FHIT: variants seen among roughly 807,000 people sequenced by gnomAD.
FHIT encodes bis(5'-adenosyl)-triphosphatase.
A neutral mutation model predicts 17.9 loss-of-function variants in FHIT; 19 were observed. The observed-to-expected ratio is 1.06, with a 90% CI of 0.74 to 1.56. The LOEUF is 1.56. Ranked by LOEUF, FHIT falls within the 40% of genes most tolerant of loss-of-function variation. The pLI is 0.00. For synonymous variants in FHIT, 81 were observed against 69.7 expected (o/e 1.16, Z -0.81); for missense variants, 248 against 189.2 (o/e 1.31, Z -1.82).
At chr3:60,420,278 A>T (rs1702420031) in intron 5 of FHIT, among the ~76,000 whole-genome samples, 1 of 152,142 alleles carries the variant, frequency 6.6e-6, no homozygotes, top group South Asian at 2.1e-4. Flanking sequence ...ATACATTCTA[A>T]TTCTTAATGA....
chr3:61,073,947 C>A (rs1344902583), intron 2 of FHIT, among the ~76,000 whole-genome samples: 1 of 152,118 alleles, frequency 6.6e-6, no homozygotes, highest in Non-Finnish European at 1.5e-5. Context: ...CAGACTAAAA[C>A]AAAGCAGCGG....
chr3:60,173,915 A>ATTTTTTTTT lies in FHIT; in HGVS notation c.104-159764_104-159763insAAAAAAAAA. On this transcript the variant is annotated intron_variant, in intron 5 of 9. Coordinates refer to ENST00000492590, the MANE Select transcript of FHIT (RefSeq NM_002012.4). The stretch of plus-strand genomic sequence containing the variant: ...TATATATATATATATATATATATAT[A>ATTTTTTTTT]TGTTTTTTTTTTTTTTTGAGATCGA... Among the ~76,000 whole-genome samples, 21 of 66,426 alleles carry ATTTTTTTTT rather than the reference A, an allele frequency of 3.2e-4. 1 individual carries two copies. Among genetic ancestry groups the ATTTTTTTTT allele is most frequent in the Non-Finnish European group, 5.3e-4 (19 of 36,110 alleles). The allele number at this position is 66,426 out of a possible 152,430, so 43.6% of individuals were successfully genotyped here.
rs116163317 is a variant in FHIT at position 60,168,061 on chromosome 3, T to C, written c.104-153909A>G. Among the ~76,000 whole-genome samples, 686 of 152,290 alleles carry C rather than the reference T, an allele frequency of 4.5e-3. 3 individuals carry two copies. Among genetic ancestry groups the C allele is most frequent in the African/African-American group, 0.015 (634 of 41,556 alleles). ...AATAATAAACAAATTTGTTATCAAC[T>C]TGTCCTGAGTTGATCAAGTTGCTAT... On this transcript the variant is annotated intron_variant, in intron 5 of 9. Coordinates refer to ENST00000492590, the MANE Select transcript of FHIT (RefSeq NM_002012.4).
chr3:60,911,423 A>C (rs2107271620), intron 3 of FHIT, among the ~76,000 whole-genome samples: 1 of 151,256 alleles, frequency 6.6e-6, no homozygotes. Context: ...TACCACCACC[A>C]TCATTTTCAT....
Position 60,671,129 on chromosome 3 carries a change from T to C in FHIT, c.-17-134150A>G, listed in dbSNP as rs144522258. 4.2e-3 allele frequency among the ~76,000 whole-genome samples: 638 copies of C among 152,290 alleles called. 2 individuals carry two copies. Among genetic ancestry groups the C allele is most frequent in the East Asian group, 0.013 (67 of 5,180 alleles). ...TCACTCAGTGTCTTCAAGGAACACA[T>C]GGTCAGGTTTCTAGATTATGCTTAA... On this transcript the variant is annotated intron_variant, in intron 4 of 9. Coordinates refer to ENST00000492590, the MANE Select transcript of FHIT (RefSeq NM_002012.4).
At chr3:60,025,830 G>A (rs1311278206) in intron 5 of FHIT, among the ~76,000 whole-genome samples, 1 of 151,324 alleles carries the variant, frequency 6.6e-6, no homozygotes, top group Non-Finnish European at 1.5e-5. Context: ...ATGTCACTGT[G>A]GCAGCTTCCA....
intron 4 of FHIT, among the ~76,000 whole-genome samples, chr3:60,718,849 A>C (rs184068205): frequency 8.5e-5 from 13 of 152,316 alleles, no homozygotes; most frequent in African/African-American, 2.6e-4. Context: ...ACTAATGTGC[A>C]TTACACCTCT....
At chr3:60,007,622 G>C (rs1699975350) in intron 7 of FHIT, among the ~76,000 whole-genome samples, 1 of 152,190 alleles carries the variant, frequency 6.6e-6, no homozygotes, top group Admixed American at 6.5e-5. Flanking sequence ...CGAGAGGAAA[G>C]CCTAACGAAT....
intron 5 of FHIT, among the ~76,000 whole-genome samples, chr3:60,226,791 G>A (rs1428051119): frequency 1.3e-5 from 2 of 152,104 alleles, no homozygotes; most frequent in East Asian, 1.9e-4. Context: ...GAGAAGTGCT[G>A]GTTTTGGAGC....
At chr3:60,994,871 T>C (rs573971761) in intron 3 of FHIT, among the ~76,000 whole-genome samples, 6 of 152,322 alleles carry the variant, frequency 3.9e-5, no homozygotes, top group Admixed American at 3.9e-4. Context: ...CTCCAGCCAG[T>C]CGTTCCCATG....
At chr3:60,020,760 G>A (rs1234263564) in intron 5 of FHIT, among the ~76,000 whole-genome samples, 3 of 152,240 alleles carry the variant, frequency 2.0e-5, no homozygotes, top group East Asian at 3.9e-4. Flanking sequence ...TAGCAGGATG[G>A]ACTGTCAGCT....
chr3:61,060,134 C>T (rs1431414635), intron 2 of FHIT, among the ~76,000 whole-genome samples: 2 of 152,056 alleles, frequency 1.3e-5, no homozygotes, highest in Admixed American at 6.6e-5. Flanking sequence ...AATTATCTTA[C>T]CTGTTTTTAT....
chr3:60,701,671 A>G (rs1553702175), intron 4 of FHIT, among the ~76,000 whole-genome samples: 2 of 152,120 alleles, frequency 1.3e-5, no homozygotes, highest in Non-Finnish European at 1.5e-5. Flanking sequence ...TAGGTTTTCC[A>G]ATAGTGATGT....
intron 3 of FHIT, among the ~76,000 whole-genome samples, chr3:61,039,579 C>T (rs1279929706): frequency 6.6e-6 from 1 of 152,148 alleles, no homozygotes; most frequent in African/African-American, 2.4e-5. Flanking sequence ...TGGAAACCAT[C>T]ATTCTCAGCA....
At chr3:59,899,256 C>A (rs533936525) in intron 8 of FHIT, among the ~76,000 whole-genome samples, 1 of 152,220 alleles carries the variant, frequency 6.6e-6, no homozygotes, top group Admixed American at 6.5e-5. Context: ...AAACACTGAA[C>A]TTCTCAGACA....
intron 4 of FHIT, among the ~76,000 whole-genome samples, chr3:60,624,593 C>T (rs1289212356): frequency 6.6e-6 from 1 of 152,040 alleles, no homozygotes; most frequent in Non-Finnish European, 1.5e-5. Context: ...ATGGAGTCTA[C>T]CAAGAAGAAA....
intron 7 of FHIT, among the ~76,000 whole-genome samples, chr3:59,974,444 T>A (rs1260581109): frequency 1.3e-5 from 2 of 152,206 alleles, no homozygotes; most frequent in South Asian, 2.1e-4. Flanking sequence ...ATTTAGGCCA[T>A]CCTGGCCTAG....
intron 4 of FHIT, among the ~76,000 whole-genome samples, chr3:60,812,291 C>A (rs1408758435): frequency 6.6e-6 from 1 of 151,428 alleles, no homozygotes; most frequent in Admixed American, 6.6e-5. Flanking sequence ...GCCTCCCAAG[C>A]AGCTCAGATT....
intron 4 of FHIT, among the ~76,000 whole-genome samples, chr3:60,712,367 A>G (rs544275041): frequency 2.0e-5 from 3 of 152,192 alleles, no homozygotes; most frequent in East Asian, 3.9e-4. Flanking sequence ...AATTGCATCA[A>G]CTAACAAGCA....
Sources: gnomAD v4.1 joint callset for allele counts (sites outside exome capture counted in the v4.1 genomes callset) on GRCh38, gnomAD v4.1.1 for gene constraint, MANE v1.5 for transcripts, NCBI Gene and HGNC (gene_info 2026-07-23, HGNC 2026-07-21) for gene names.